Variants in AP3B1 observed in about 807,000 individuals in gnomAD.
AP3B1 encodes the protein adaptor related protein complex 3 subunit beta 1, also known as AP-3 complex subunit beta-1.
In AP3B1, 61 loss-of-function variants were observed where a neutral mutation model predicts 132.5. The observed-to-expected ratio is 0.46, with a 90% CI of 0.37 to 0.57. The LOEUF (loss-of-function observed/expected upper bound fraction) is 0.57, where lower values mean the gene tolerates loss of function less well. AP3B1 is among the 20% of genes least tolerant of loss of function. The probability of loss-of-function intolerance (pLI) is 0.00; values close to 1 mark genes in which losing one functional copy is unlikely to be tolerated. For synonymous variants in AP3B1, 388 were observed against 438.3 expected, an observed-to-expected ratio of 0.89 and a Z score of 1.43; for missense variants, 1,120 against 1,289.4, an observed-to-expected ratio of 0.87 and a Z score of 2.01.
intron 1 of AP3B1, among the ~76,000 whole-genome samples, chr5:78,271,608 T>C (rs1748548483): frequency 6.6e-6 from 1 of 152,212 alleles, no homozygotes; most frequent in African/African-American, 2.4e-5. Flanking sequence ...AAACAACGTC[T>C]TAATTTAAAA....
At chr5:78,160,101 G>A (rs1743327852) in intron 13 of AP3B1, among the ~76,000 whole-genome samples, 1 of 152,106 alleles carries the variant, frequency 6.6e-6, no homozygotes, top group Non-Finnish European at 1.5e-5. Flanking sequence ...TATATGGGAA[G>A]ACTATAATAT....
At chr5:78,005,095 A>G (rs1199360920) in intron 26 of AP3B1, among the ~76,000 whole-genome samples, 1 of 152,228 alleles carries the variant, frequency 6.6e-6, no homozygotes, top group East Asian at 1.9e-4. Flanking sequence ...ACCAAAGGAT[A>G]TGAGGTGGCT....
At chr5:78,188,750 T>C (rs1354385581) in intron 7 of AP3B1, among the ~76,000 whole-genome samples, 1 of 152,164 alleles carries the variant, frequency 6.6e-6, no homozygotes. Flanking sequence ...AGAGTATAAA[T>C]CATTCCATTA....
downstream of AP3B1, chr5:78,000,903 C>G (rs908442394): frequency 1.3e-5 from 2 of 151,970 alleles, no homozygotes; most frequent in African/African-American, 4.8e-5. Flanking sequence ...TTCTGTTTTA[C>G]GTGAAAAACA....
intron 2 of AP3B1, among the ~76,000 whole-genome samples, chr5:78,263,687 G>A (rs1477342606): frequency 2.0e-5 from 3 of 152,152 alleles, no homozygotes; most frequent in East Asian, 3.9e-4. Flanking sequence ...CTAGTTTGTT[G>A]AGTACTTTTA....
chr5:78,247,774 C>T (rs1747439272), intron 2 of AP3B1, among the ~76,000 whole-genome samples: 1 of 152,066 alleles, frequency 6.6e-6, no homozygotes, highest in South Asian at 2.1e-4. Flanking sequence ...TTCACATTTT[C>T]ATCCAATATG....
intron 22 of AP3B1, among the ~76,000 whole-genome samples, chr5:78,068,571 T>A (rs1386901402): frequency 6.6e-6 from 1 of 152,168 alleles, no homozygotes; most frequent in Non-Finnish European, 1.5e-5. Context: ...GTTGAATCCC[T>A]GAACAGATCA....
At chr5:78,130,761 C>A (rs1466563457) in intron 15 of AP3B1, among the ~76,000 whole-genome samples, 1 of 151,922 alleles carries the variant, frequency 6.6e-6, no homozygotes, top group Admixed American at 6.6e-5. Flanking sequence ...TTAGTTTTCT[C>A]AAATGTGGAG....
intron 22 of AP3B1, among the ~76,000 whole-genome samples, chr5:78,077,060 G>A (rs1749798001): frequency 1.3e-5 from 2 of 152,158 alleles, no homozygotes; most frequent in South Asian, 4.1e-4. Flanking sequence ...AACTTAGTCT[G>A]GAGGACTGTG....
chr5:78,171,108 C>T (rs1031339445), intron 11 of AP3B1, among the ~76,000 whole-genome samples: 41 of 152,136 alleles, frequency 2.7e-4, no homozygotes, highest in African/African-American at 9.7e-4. Flanking sequence ...TGTTTTGGTA[C>T]CAGTACCATG....
At chr5:78,060,368 A>C (rs1008238981) in intron 22 of AP3B1, among the ~76,000 whole-genome samples, 14 of 152,350 alleles carry the variant, frequency 9.2e-5, no homozygotes, top group African/African-American at 3.1e-4. Flanking sequence ...TGCTGCTCAG[A>C]AAAAATTTAA....
intron 1 of AP3B1, among the ~76,000 whole-genome samples, chr5:78,280,904 A>G (rs970107250): frequency 1.3e-5 from 2 of 152,246 alleles, no homozygotes; most frequent in Non-Finnish European, 2.9e-5. Context: ...AACAATGTGA[A>G]TATAGTTAAC....
At chr5:78,290,589 G>GT (rs1391297485) in intron 1 of AP3B1, among the ~76,000 whole-genome samples, 38 of 91,066 alleles carry the variant, frequency 4.2e-4, no homozygotes, top group East Asian at 1.8e-3. Context: ...GTTAAAAGAA[G>GT]TTTTTTTTTA....
At chr5:78,290,053 C>G (rs1314105514) in intron 1 of AP3B1, among the ~76,000 whole-genome samples, 2 of 152,150 alleles carry the variant, frequency 1.3e-5, no homozygotes, top group Non-Finnish European at 2.9e-5. Flanking sequence ...AGTTAATATC[C>G]TAGTTTAGAA....
intron 7 of AP3B1, among the ~76,000 whole-genome samples, chr5:78,195,635 T>C (rs951245387): frequency 6.6e-6 from 1 of 152,058 alleles, no homozygotes; most frequent in Non-Finnish European, 1.5e-5. Flanking sequence ...CTGACCAACA[T>C]GGTAAAACCC....
Position 78,187,400 on chromosome 5 carries a change from A to G in AP3B1, c.787-5738T>C, listed in dbSNP as rs575291749. On this transcript the variant is annotated intron_variant, in intron 7 of 26. Transcript: ENST00000255194. ...AAAATCATCAAAATGTACATAAAAA[A>G]CTGCTTTTTATAACCATCTACTCAT... Among the ~76,000 whole-genome samples, 165 of 152,234 alleles carry G rather than the reference A, an allele frequency of 1.1e-3. 1 individual carries two copies. The highest frequency in any genetic ancestry group is 0.011 in the South Asian group (51 of 4,828).
At chr5:78,282,603 A>G (rs896222730) in intron 1 of AP3B1, among the ~76,000 whole-genome samples, 1 of 152,234 alleles carries the variant, frequency 6.6e-6, no homozygotes, top group Admixed American at 6.5e-5. Context: ...GTGAAATATA[A>G]TTCAGAAAAA....
Position 78,162,857 on chromosome 5 carries a change from C to T in AP3B1, c.1325G>A (p.Cys442Tyr), listed in dbSNP as rs1032054339. Residue 442 changes from cysteine to tyrosine, a missense_variant, in exon 13 of 27, where the codon TGC (cysteine) becomes TAC (tyrosine). Transcript: ENST00000255194. ...ATNILEVTDTCLNGLVCLLSN... is the reference protein window; with the variant it reads ...ATNILEVTDTYLNGLVCLLSN... ...CAGCAGACAGACCAAGCCATTGAGG[C>T]ACGTGTCAGTGACTTCCAAGATGTT... 83 of 1,613,882 alleles carry T rather than the reference C, an allele frequency of 5.1e-5. No homozygotes were observed. The highest frequency in any genetic ancestry group is 6.9e-5 in the Non-Finnish European group (81 of 1,179,906).
intron 21 of AP3B1, among the ~76,000 whole-genome samples, chr5:78,090,861 G>C (rs1025869392): frequency 2.0e-5 from 3 of 151,862 alleles, no homozygotes; most frequent in Non-Finnish European, 4.4e-5. Context: ...GCCCAGGCTG[G>C]AGTAAAGCGG....
Sources: gnomAD v4.1 joint callset for allele counts (sites outside exome capture counted in the v4.1 genomes callset) on GRCh38, gnomAD v4.1.1 for gene constraint, MANE v1.5 for transcripts, NCBI Gene and HGNC (gene_info 2026-07-23, HGNC 2026-07-21) for gene names.